GCH1: variants seen among roughly 807,000 people sequenced by gnomAD.
GCH1 encodes GTP cyclohydrolase I.
In GCH1, 5 loss-of-function variants were observed where a neutral mutation model predicts 25.9. The ratio of observed to expected loss-of-function variants is 0.19; its 90% confidence interval spans 0.10 to 0.41. The LOEUF (loss-of-function observed/expected upper bound fraction) is 0.41. GCH1 is among the 10% of genes least tolerant of loss of function. The pLI is 1.00. For missense variants in GCH1, 261 were observed against 336.5 expected (o/e 0.78, Z 1.75); for synonymous variants, 159 against 129.6 (o/e 1.23, Z -1.54).
At chr14:54,894,327 C>T (rs901265057) in intron 1 of GCH1, among the ~76,000 whole-genome samples, 7 of 152,082 alleles carry the variant, frequency 4.6e-5, no homozygotes, top group Admixed American at 2.6e-4. Flanking sequence ...ACTGGAGTGA[C>T]GCAGCTCAAA....
chr14:54,863,236 C>A lies in GCH1; in HGVS notation c.453+2091G>T, dbSNP rs111317596. 2.3e-3 allele frequency among the ~76,000 whole-genome samples: 342 copies of A among 151,270 alleles called. 3 individuals carry two copies. The highest frequency in any genetic ancestry group is 0.016 in the Admixed American group (237 of 15,198). ...AGATCAAGACCATCCTGGCTAACAC[C>A]GTGAAACCCCTTCTCTACTAAAAAT... On this transcript the variant is annotated intron_variant, in intron 2 of 5. Coordinates refer to ENST00000491895, the MANE Select transcript of GCH1 (RefSeq NM_000161.3).
At chr14:54,865,531 T>C in intron 1 of GCH1, 95 bp from the exon 2 acceptor site, 1 of 706,632 alleles carries the variant, frequency 1.4e-6, no homozygotes, top group East Asian at 2.7e-5. Flanking sequence ...AAACGAACGT[T>C]AATCCTCCCT....
At chr14:54,859,563 A>T (rs1183038245) in intron 3 of GCH1, 118 bp downstream of exon 3, 1 of 751,146 alleles carries the variant, frequency 1.3e-6, no homozygotes, top group Admixed American at 1.8e-5. Context: ...AAGTTGCAAT[A>T]TGACTTCCAA....
At chr14:54,851,409 A>G (rs145283879) in intron 3 of GCH1, among the ~76,000 whole-genome samples, 4,544 of 152,342 alleles carry the variant, frequency 0.03, 125 homozygotes, top group East Asian at 0.1. Context: ...GCACAGCAAA[A>G]GAAACTACCA....
At chr14:54,891,093 A>G (rs759051359) in intron 1 of GCH1, among the ~76,000 whole-genome samples, 1 of 146,078 alleles carries the variant, frequency 6.8e-6, no homozygotes, top group African/African-American at 2.7e-5. Flanking sequence ...TAGACAATTC[A>G]TAAGGTTTTT....
intron 1 of GCH1, among the ~76,000 whole-genome samples, chr14:54,901,967 C>A (rs1448629032): frequency 6.6e-6 from 1 of 152,228 alleles, no homozygotes; most frequent in Non-Finnish European, 1.5e-5. Context: ...AAGTTTGGAA[C>A]CGCAGGTACC....
chr14:54,894,745 A>G (rs1595022747), intron 1 of GCH1, among the ~76,000 whole-genome samples: 1 of 78,244 alleles, frequency 1.3e-5, no homozygotes, highest in Non-Finnish European at 2.3e-5. Flanking sequence ...TAATATGTCA[A>G]AAGTGCCTTG....
chr14:54,891,161 G>GTA lies in GCH1; in HGVS notation c.343+11159_343+11160insTA, dbSNP rs1267867682. Among the ~76,000 whole-genome samples the GTA allele has an allele frequency of 3.9e-5, 6 of 152,200 alleles. No individual in the cohort carries two copies. In the East Asian group the frequency reaches 1.2e-3, roughly 29 times the overall value. Reference sequence around the variant, plus strand: ...TCTGTCATCCAGGTTGGAGTGTAGTGGCACAATCTCGGCTCACTGCAACCT... The same window carrying GTA: ...TCTGTCATCCAGGTTGGAGTGTAGTGTAGCACAATCTCGGCTCACTGCAACCT... On this transcript the variant is annotated intron_variant, in intron 1 of 5. Coordinates refer to ENST00000491895, the MANE Select transcript of GCH1 (RefSeq NM_000161.3).
intron 3 of GCH1, among the ~76,000 whole-genome samples, chr14:54,854,428 C>T (rs900486731): frequency 5.3e-5 from 8 of 152,022 alleles, no homozygotes; most frequent in Admixed American, 6.6e-5. Flanking sequence ...TGAGCACACG[C>T]AGCAGTGGAT....
At chr14:54,875,561 T>C (rs2040146275) in intron 1 of GCH1, among the ~76,000 whole-genome samples, 1 of 152,136 alleles carries the variant, frequency 6.6e-6, no homozygotes, top group Non-Finnish European at 1.5e-5. Context: ...AGAAAATTTT[T>C]GCAATCTACT....
At chr14:54,864,347 A>G (rs1423679564) in intron 2 of GCH1, among the ~76,000 whole-genome samples, 1 of 152,218 alleles carries the variant, frequency 6.6e-6, no homozygotes, top group Non-Finnish European at 1.5e-5. Context: ...GCTTCTTGTA[A>G]GTCTTCTGTT....
chr14:54,868,731 A>G (rs2040024440), intron 1 of GCH1, among the ~76,000 whole-genome samples: 1 of 151,746 alleles, frequency 6.6e-6, no homozygotes, highest in Non-Finnish European at 1.5e-5. Context: ...CCTCCTAAGT[A>G]GCTGGGACTA....
Position 54,843,958 on chromosome 14 carries a change from A to C in GCH1, c.*59T>G. On this transcript the variant is annotated 3_prime_UTR_variant, in exon 6 of 6. Coordinates refer to ENST00000491895, the MANE Select transcript of GCH1 (RefSeq NM_000161.3). ...ATGGAATGTACAAACAAGACCGGAC[A>C]GACAGACAATGCTACTGGCAGTACG... 5 of 1,613,994 alleles carry C rather than the reference A, an allele frequency of 3.1e-6. No homozygotes were observed. Among genetic ancestry groups the C allele is most frequent in the Non-Finnish European group, 4.2e-6 (5 of 1,179,900 alleles).
chr14:54,865,558 A>T, intron 1 of GCH1, 122 bp from the exon 2 acceptor site: 1 of 666,876 alleles, frequency 1.5e-6, no homozygotes, highest in Non-Finnish European at 2.7e-6. Context: ...TTAAGGGAAT[A>T]CAAATTAAAA....
In GCH1 at chr14:54,897,004, C is replaced by CTTTTT. The variant is rs1264967638; in HGVS notation, c.343+5312_343+5316dup. ...GACTGATCTTATCCATTCTACTCCA[C>CTTTTT]TTTTTGTTTTTTTTTTTTTTTTTTG... On this transcript the variant is annotated intron_variant, in intron 1 of 5. Coordinates refer to ENST00000491895, the MANE Select transcript of GCH1 (RefSeq NM_000161.3). 3.5e-4 allele frequency among the ~76,000 whole-genome samples: 40 copies of CTTTTT among 115,938 alleles called. 4 individuals carry two copies. Among genetic ancestry groups the CTTTTT allele is most frequent in the African/African-American group, 8.1e-4 (21 of 25,772 alleles). The allele number at this position is 115,938 out of a possible 152,430, so 76.1% of individuals were successfully genotyped here.
At chr14:54,890,444 G>A (rs548252996) in intron 1 of GCH1, among the ~76,000 whole-genome samples, 1 of 152,204 alleles carries the variant, frequency 6.6e-6, no homozygotes, top group South Asian at 2.1e-4. Flanking sequence ...GTTGCGGTGA[G>A]ACGAGATCGC....
chr14:54,891,325 C>G (rs895514332), intron 1 of GCH1, among the ~76,000 whole-genome samples: 3 of 151,418 alleles, frequency 2.0e-5, no homozygotes, highest in Admixed American at 6.6e-5. Flanking sequence ...AGCCTGGTCT[C>G]GAACTCCTGA....
intron 1 of GCH1, among the ~76,000 whole-genome samples, chr14:54,874,348 T>C (rs561372323): frequency 1.3e-3 from 201 of 152,264 alleles, no homozygotes; most frequent in African/African-American, 4.4e-3. Flanking sequence ...TATCTCAAAA[T>C]AATAAGAGCT....
At position 54,874,429 on chromosome 14, in the gene GCH1, G is replaced by T. The variant is rs551412612; in HGVS notation, c.344-8993C>A. On this transcript the variant is annotated intron_variant, in intron 1 of 5. Transcript: ENST00000491895. ...CTGGAAGCATTCCCTTTGAAAACTG[G>T]CACAAGACAGGGATGTGCTCTCTCA... Among the ~76,000 whole-genome samples, 7 of 152,296 alleles carry T rather than the reference G, an allele frequency of 4.6e-5. No homozygotes were observed. The South Asian group carries it at 1.0e-3, about 23-fold the overall frequency.
Sources: gnomAD v4.1 joint callset for allele counts (sites outside exome capture counted in the v4.1 genomes callset) on GRCh38, gnomAD v4.1.1 for gene constraint, MANE v1.5 for transcripts, NCBI Gene and HGNC (gene_info 2026-07-23, HGNC 2026-07-21) for gene names.